The following ATRNL1 variants were observed in gnomAD, a reference collection of about 807,000 sequenced individuals.
ATRNL1 encodes the protein attractin-like protein 1.
Under a neutral mutation model 182.7 loss-of-function variants are expected in ATRNL1, and 95 were observed. The ratio of observed to expected loss-of-function variants is 0.52; its 90% CI spans 0.44 to 0.62. The LOEUF (loss-of-function observed/expected upper bound fraction) is 0.62. Ranked by LOEUF, ATRNL1 falls within the 20% of genes least tolerant of loss-of-function variation. ATRNL1 has a pLI of 0.00. For synonymous variants in ATRNL1, 576 were observed against 568.3 expected (o/e 1.01, Z -0.19); for missense variants, 1,471 against 1,679.5 (o/e 0.88, Z 2.17).
intron 26 of ATRNL1, among the ~76,000 whole-genome samples, chr10:115,646,798 A>T (rs1281885855): frequency 6.6e-6 from 1 of 151,712 alleles, no homozygotes; most frequent in African/African-American, 2.4e-5. Context: ...GCATGTATGA[A>T]TTTTTTTTAT....
At chr10:115,704,134 C>A (rs968083185) in intron 26 of ATRNL1, among the ~76,000 whole-genome samples, 1 of 151,914 alleles carries the variant, frequency 6.6e-6, no homozygotes, top group Non-Finnish European at 1.5e-5. Context: ...TATTCTTTTA[C>A]GATTCTGGAG....
chr10:115,104,532 G>A (rs1210193598), intron 1 of ATRNL1, among the ~76,000 whole-genome samples: 35 of 152,160 alleles, frequency 2.3e-4, no homozygotes, highest in East Asian at 1.9e-4. Context: ...TTGCTGTGCA[G>A]AAACTTTTTA....
At chr10:115,674,022 C>T (rs1277429501) in intron 26 of ATRNL1, among the ~76,000 whole-genome samples, 1 of 152,076 alleles carries the variant, frequency 6.6e-6, no homozygotes, top group Non-Finnish European at 1.5e-5. Flanking sequence ...GGCCCAGCCT[C>T]CAAGTCATCC....
rs374533096 is a variant in ATRNL1, at chr10:115,376,499, C to T, written c.3176-18160C>T. Among the ~76,000 whole-genome samples, 22 of 152,084 alleles carry T rather than the reference C, an allele frequency of 1.4e-4. No individual in the cohort carries two copies. In the South Asian group the frequency reaches 2.5e-3, roughly 17 times the overall value. On this transcript the variant is annotated intron_variant, in intron 19 of 28. Transcript: ENST00000355044. ...ATATGGGGTCTGGTAGCTAGGACTACGGATGCATGCTACCACATCCAGTTA... is the reference window on the plus strand; with the variant it reads ...ATATGGGGTCTGGTAGCTAGGACTATGGATGCATGCTACCACATCCAGTTA...
At chr10:115,752,824 G>A (rs1344248497) in intron 27 of ATRNL1, among the ~76,000 whole-genome samples, 1 of 152,038 alleles carries the variant, frequency 6.6e-6, no homozygotes, top group African/African-American at 2.4e-5. Flanking sequence ...TTTATGCCTA[G>A]TATTTTAAGT....
At chr10:115,236,807 T>C (rs1203447493) in intron 9 of ATRNL1, among the ~76,000 whole-genome samples, 4 of 152,224 alleles carry the variant, frequency 2.6e-5, no homozygotes, top group Admixed American at 1.3e-4. Flanking sequence ...GTATATTCTA[T>C]GGATTTTCAC....
intron 25 of ATRNL1, among the ~76,000 whole-genome samples, chr10:115,528,076 C>T (rs926035738): frequency 1.2e-4 from 16 of 130,056 alleles, no homozygotes; most frequent in Non-Finnish European, 1.1e-4. Flanking sequence ...CTTCCTTTCC[C>T]TTCTCATTTC....
At chr10:115,396,398 A>T (rs560161757) in intron 20 of ATRNL1, among the ~76,000 whole-genome samples, 179 of 152,102 alleles carry the variant, frequency 1.2e-3, no homozygotes, top group African/African-American at 4.0e-3. Flanking sequence ...GAATTTATAC[A>T]GGTTCCCACA....
chr10:115,630,996 C>T (rs975197498), intron 26 of ATRNL1, among the ~76,000 whole-genome samples: 1 of 150,906 alleles, frequency 6.6e-6, no homozygotes, highest in African/African-American at 2.4e-5. Context: ...CAGGATCTTA[C>T]TTATATGTGG....
chr10:115,420,814 G>GA (rs558875931), intron 20 of ATRNL1, among the ~76,000 whole-genome samples: 180 of 151,596 alleles, frequency 1.2e-3, no homozygotes, highest in African/African-American at 4.1e-3. Context: ...GCTAGCCTAA[G>GA]AAAAAAAGAG....
intron 13 of ATRNL1, among the ~76,000 whole-genome samples, chr10:115,275,574 C>G (rs1852067920): frequency 6.6e-6 from 1 of 152,166 alleles, no homozygotes. Context: ...TAGTTGAGTG[C>G]TGCTACCTAG....
intron 27 of ATRNL1, among the ~76,000 whole-genome samples, chr10:115,740,447 A>T (rs1216637002): frequency 4.6e-5 from 7 of 152,086 alleles, no homozygotes; most frequent in Non-Finnish European, 7.4e-5. Flanking sequence ...AGGTGGGAGG[A>T]TCATATGAGG....
intron 18 of ATRNL1, among the ~76,000 whole-genome samples, chr10:115,326,276 C>G (rs1854875908): frequency 6.6e-6 from 1 of 152,062 alleles, no homozygotes; most frequent in Non-Finnish European, 1.5e-5. Context: ...CACAAGCATT[C>G]TTATACACCA....
intron 1 of ATRNL1, among the ~76,000 whole-genome samples, chr10:115,101,326 A>C (rs1843758395): frequency 6.6e-6 from 1 of 151,862 alleles, no homozygotes; most frequent in Non-Finnish European, 1.5e-5. Context: ...ATGAAGTATG[A>C]TGTTATCTGT....
intron 28 of ATRNL1, among the ~76,000 whole-genome samples, chr10:115,894,922 A>G (rs1330518131): frequency 2.6e-5 from 4 of 152,156 alleles, no homozygotes; most frequent in South Asian, 2.1e-4. Context: ...ATGGCTCTCA[A>G]TTGCTCAGTT....
In ATRNL1 at chr10:115,426,489, T is replaced by C. The variant is rs1462248997; in HGVS notation, c.3322+187T>C. ...TCTTAATTATATTTGGTACATTTTT[T>C]CTACTCTGAGCAGTAAAATAGCAAT... On this transcript the variant is annotated intron_variant, in intron 21 of 28. Coordinates refer to ENST00000355044, the MANE Select transcript of ATRNL1 (RefSeq NM_207303.4). 4.6e-5 allele frequency among the ~76,000 whole-genome samples: 7 copies of C among 152,222 alleles called. No homozygotes were observed. The East Asian group carries it at 1.3e-3, about 29-fold the overall frequency.
intron 7 of ATRNL1, 82 bp downstream of exon 7, chr10:115,165,727 T>TTAG: frequency 1.5e-6 from 1 of 647,976 alleles, no homozygotes; most frequent in Non-Finnish European, 2.5e-6. Context: ...AATCTCAGAT[T>TTAG]TATTTCAAAT....
At chr10:115,892,708 G>A (rs1415062113) in intron 28 of ATRNL1, among the ~76,000 whole-genome samples, 8 of 152,062 alleles carry the variant, frequency 5.3e-5, no homozygotes, top group Admixed American at 6.6e-5. Flanking sequence ...AATTCCGATT[G>A]AAATCATTCA....
intron 26 of ATRNL1, among the ~76,000 whole-genome samples, chr10:115,596,179 C>G (rs1241344090): frequency 6.6e-6 from 1 of 152,100 alleles, no homozygotes; most frequent in East Asian, 1.9e-4. Context: ...GATCTTGGCT[C>G]ACTGCAACCT....
Sources: allele counts gnomAD v4.1 joint callset (sites outside exome capture counted in the v4.1 genomes callset), GRCh38; gene constraint gnomAD v4.1.1; transcripts MANE v1.5; gene names NCBI Gene and HGNC (gene_info 2026-07-23, HGNC 2026-07-21).